CHN1: variants seen among roughly 807,000 people sequenced by gnomAD.
CHN1 encodes N-chimaerin.
A neutral mutation model predicts 59.5 loss-of-function variants in CHN1; 37 were observed. That is an observed-to-expected ratio of 0.62 (90% CI 0.48 to 0.82). The LOEUF is 0.82. Among genes scored for constraint, CHN1 ranks in the 40% least tolerant of loss-of-function variants. The pLI, the probability that CHN1 is intolerant of heterozygous loss-of-function variation, is 0.00. For synonymous variants in CHN1, 206 were observed against 200.4 expected, an observed-to-expected ratio of 1.03 and a Z score of -0.24; for missense variants, 469 against 571.0, an observed-to-expected ratio of 0.82 and a Z score of 1.82.
At chr2:174,977,870 C>A (rs1690998323) in intron 1 of CHN1, among the ~76,000 whole-genome samples, 1 of 151,720 alleles carries the variant, frequency 6.6e-6, no homozygotes, top group Admixed American at 6.6e-5. Context: ...ATATATAACC[C>A]CCCATTGCTA....
intron 1 of CHN1, among the ~76,000 whole-genome samples, chr2:174,964,401 G>A (rs1690530702): frequency 6.6e-6 from 1 of 152,184 alleles, no homozygotes; most frequent in Admixed American, 6.5e-5. Flanking sequence ...TGTGCTAACA[G>A]AGAACTATTA....
chr2:174,828,465 G>C (rs1025300440), intron 7 of CHN1, among the ~76,000 whole-genome samples: 7 of 152,058 alleles, frequency 4.6e-5, no homozygotes, highest in Non-Finnish European at 8.8e-5. Flanking sequence ...CTCAGAAAAA[G>C]GTATCTTTAA....
intron 1 of CHN1, among the ~76,000 whole-genome samples, chr2:174,984,462 C>T (rs559319246): frequency 1.3e-5 from 2 of 150,724 alleles, no homozygotes; most frequent in Non-Finnish European, 3.0e-5. Context: ...TCTGCCTCTC[C>T]GGTTGAAGCG....
intron 2 of CHN1, among the ~76,000 whole-genome samples, chr2:174,950,982 T>G (rs1396122301): frequency 1.3e-5 from 2 of 152,088 alleles, no homozygotes; most frequent in Admixed American, 6.5e-5. Context: ...TTTCACCATG[T>G]TGGCCAGGCT....
chr2:174,895,196 G>GTATATATA (rs200124327), intron 5 of CHN1, among the ~76,000 whole-genome samples: 342 of 137,942 alleles, frequency 2.5e-3, no homozygotes, highest in African/African-American at 8.8e-3. Context: ...ATGTGTGTGT[G>GTATATATA]TGTATATATA....
intron 3 of CHN1, among the ~76,000 whole-genome samples, chr2:174,936,827 T>C (rs938101094): frequency 6.6e-6 from 1 of 152,152 alleles, no homozygotes; most frequent in Non-Finnish European, 1.5e-5. Context: ...GCAACATTAT[T>C]AAGAATAATT....
At chr2:174,811,219 C>T (rs1032325266) in intron 10 of CHN1, 6 of 244,804 alleles carry the variant, frequency 2.5e-5, no homozygotes, top group Admixed American at 5.4e-5. Flanking sequence ...TTTTCTCTAT[C>T]ATTTTTGGTG....
At chr2:174,900,082 G>A (rs756876067) in intron 5 of CHN1, among the ~76,000 whole-genome samples, 2 of 152,072 alleles carry the variant, frequency 1.3e-5, no homozygotes, top group Non-Finnish European at 2.9e-5. Context: ...TTAATATTTT[G>A]AAGAAAGTAT....
chr2:174,817,628 ATTTTT>A (rs899427269), intron 8 of CHN1, among the ~76,000 whole-genome samples: 5 of 138,976 alleles, frequency 3.6e-5, no homozygotes, highest in Non-Finnish European at 7.7e-5. Flanking sequence ...CGCCCAGCTG[ATTTTT>A]TTTTCTTTTT....
intron 8 of CHN1, among the ~76,000 whole-genome samples, chr2:174,813,170 A>C (rs1252225401): frequency 6.6e-6 from 1 of 152,220 alleles, no homozygotes; most frequent in Non-Finnish European, 1.5e-5. Flanking sequence ...ATCTGAGAAA[A>C]CCAAACACAG....
At chr2:174,970,041 G>A (rs760160999) in intron 1 of CHN1, among the ~76,000 whole-genome samples, 1 of 152,180 alleles carries the variant, frequency 6.6e-6, no homozygotes, top group African/African-American at 2.4e-5. Context: ...GGCTGTCACT[G>A]TACTTCACCA....
intron 6 of CHN1, among the ~76,000 whole-genome samples, chr2:174,876,096 T>A (rs1240769221): frequency 6.6e-6 from 1 of 152,168 alleles, no homozygotes; most frequent in Non-Finnish European, 1.5e-5. Flanking sequence ...ACACAGGGAA[T>A]CATGACTCCT....
At chr2:174,930,311 T>C (rs1689298452) in intron 3 of CHN1, among the ~76,000 whole-genome samples, 2 of 152,164 alleles carry the variant, frequency 1.3e-5, no homozygotes, top group African/African-American at 4.8e-5. Context: ...TGGTGATTAT[T>C]GCAGAGAAGA....
intron 7 of CHN1, among the ~76,000 whole-genome samples, chr2:174,838,338 CCA>C (rs1471458250): frequency 6.6e-6 from 1 of 152,074 alleles, no homozygotes; most frequent in Non-Finnish European, 1.5e-5. Flanking sequence ...GGTGATCCAC[CCA>C]CCTCGGCCTC....
intron 7 of CHN1, among the ~76,000 whole-genome samples, chr2:174,836,894 A>G (rs1287052713): frequency 6.6e-6 from 1 of 152,200 alleles, no homozygotes; most frequent in Non-Finnish European, 1.5e-5. Flanking sequence ...GGGAGGATAC[A>G]GAGCTGAAGA....
At chr2:174,938,895 C>T (rs1689578024) in intron 3 of CHN1, among the ~76,000 whole-genome samples, 1 of 151,532 alleles carries the variant, frequency 6.6e-6, no homozygotes, top group Non-Finnish European at 1.5e-5. Context: ...AAAATATTTA[C>T]AAAAAATCTA....
chr2:174,801,945 G>A (rs1356205917), intron 11 of CHN1, 133 bp from the exon 12 acceptor site: 2 of 656,060 alleles, frequency 3.0e-6, no homozygotes, highest in African/African-American at 1.8e-5. Context: ...CTTGTCCACA[G>A]CTTTGGAAAT....
chr2:175,001,875 C>T (rs2105475657), intron 1 of CHN1, among the ~76,000 whole-genome samples: 1 of 152,328 alleles, frequency 6.6e-6, no homozygotes, highest in African/African-American at 2.4e-5. Flanking sequence ...ACACCAGCCA[C>T]AAATTCCCAT....
At chr2:174,844,025 A>C (rs1686411318) in intron 7 of CHN1, among the ~76,000 whole-genome samples, 1 of 151,864 alleles carries the variant, frequency 6.6e-6, no homozygotes, top group Non-Finnish European at 1.5e-5. Flanking sequence ...GTAGCTCTTA[A>C]AATAAGAGGT....
Sources: allele counts gnomAD v4.1 joint callset (sites outside exome capture counted in the v4.1 genomes callset), GRCh38; gene constraint gnomAD v4.1.1; transcripts MANE v1.5; gene names NCBI Gene and HGNC (gene_info 2026-07-23, HGNC 2026-07-21).